Variants in CHSY1 observed in about 807,000 individuals in gnomAD.
CHSY1 encodes the protein chondroitin sulfate synthase 1.
CHSY1 carries 13 observed loss-of-function variants against 59.8 expected under a neutral mutation model. That is an observed-to-expected ratio of 0.22 (90% CI 0.14 to 0.35). The LOEUF (loss-of-function observed/expected upper bound fraction) is 0.35, where lower values mean the gene tolerates loss of function less well. Among genes scored for constraint, CHSY1 ranks in the 10% least tolerant of loss-of-function variants. CHSY1 has a pLI of 1.00. For missense variants in CHSY1, 947 were observed against 1,030.6 expected (o/e 0.92, Z 1.11); for synonymous variants, 459 against 401.2 (o/e 1.14, Z -1.72).
intron 2 of CHSY1, among the ~76,000 whole-genome samples, chr15:101,233,785 C>T (rs1157176805): frequency 6.6e-6 from 1 of 152,058 alleles, no homozygotes; most frequent in Non-Finnish European, 1.5e-5. Context: ...CCCTAAAGTT[C>T]AAACAACAAA....
chr15:101,178,405 C>A lies in CHSY1; in HGVS notation c.1392G>T (p.Thr464=). 1 of 1,612,642 alleles carries A rather than the reference C, an allele frequency of 6.2e-7. No individual in the cohort carries two copies. Among genetic ancestry groups the A allele is most frequent in the Non-Finnish European group, 8.5e-7 (1 of 1,178,690 alleles). Residue 464 remains threonine, a synonymous_variant, in exon 3 of 3, where the codon ACG becomes ACT. Transcript: ENST00000254190. ...LYKKHKGKKM[T]VPVRRHAYLQ... ...AATACGCGTGCCTCCTCACAGGGAC[C>A]GTCATTTTCTTCCCTTTGTGCTTTT...
Position 101,176,402 on chromosome 15 carries a change from T to C in CHSY1, c.*986A>G. On this transcript the variant is annotated 3_prime_UTR_variant, in exon 3 of 3. Coordinates refer to ENST00000254190, the MANE Select transcript of CHSY1 (RefSeq NM_014918.5). ...TATGTTTCAGTCTGTGTACATCAGA[T>C]TTATTGTAATAATTCATCTTTGTCA... is the stretch of plus-strand genomic sequence containing the variant. 2.5e-6 allele frequency: 1 copy of C among 398,600 alleles called. No individual in the cohort carries two copies. The highest frequency in any genetic ancestry group is 4.4e-6 in the Non-Finnish European group (1 of 226,054). 24.7% of individuals were successfully genotyped at this position (398,600 alleles called of 1,614,324 possible). A position where few individuals can be genotyped will look rare whatever the true frequency, so the allele number is the denominator to read the frequency against.
intron 2 of CHSY1, among the ~76,000 whole-genome samples, chr15:101,205,856 G>A (rs1248956141): frequency 6.6e-6 from 1 of 152,124 alleles, no homozygotes; most frequent in Admixed American, 6.5e-5. Context: ...GGGGGCTGAG[G>A]CAGGAGAATG....
intron 2 of CHSY1, among the ~76,000 whole-genome samples, chr15:101,204,243 G>A (rs1327416813): frequency 6.6e-6 from 1 of 152,054 alleles, no homozygotes; most frequent in Non-Finnish European, 1.5e-5. Context: ...AGACTAGCCT[G>A]GCCAATATGG....
intron 2 of CHSY1, chr15:101,189,426 A>G (rs929384746): frequency 3.0e-6 from 3 of 985,340 alleles, no homozygotes. Context: ...AAACAAACTT[A>G]CAGGGACAAG....
At chr15:101,246,518 T>C (rs947759173) in intron 1 of CHSY1, among the ~76,000 whole-genome samples, 3 of 152,138 alleles carry the variant, frequency 2.0e-5, no homozygotes, top group Non-Finnish European at 2.9e-5. Context: ...CCTCCAATAA[T>C]TTCAATGGGT....
At chr15:101,227,137 T>C (rs1395109677) in intron 2 of CHSY1, among the ~76,000 whole-genome samples, 2 of 152,224 alleles carry the variant, frequency 1.3e-5, no homozygotes, top group Non-Finnish European at 2.9e-5. Context: ...GGTGGCATTT[T>C]AATTTGCCCT....
intron 2 of CHSY1, among the ~76,000 whole-genome samples, chr15:101,207,301 C>T (rs1431646705): frequency 6.6e-6 from 1 of 152,306 alleles, no homozygotes; most frequent in South Asian, 2.1e-4. Context: ...GAGTTACGTC[C>T]ACATAACCCT....
intron 2 of CHSY1, among the ~76,000 whole-genome samples, chr15:101,229,294 C>A (rs2038870684): frequency 6.6e-6 from 1 of 152,050 alleles, no homozygotes; most frequent in African/African-American, 2.4e-5. Context: ...TTTAAATGAT[C>A]CAACTATATG....
intron 2 of CHSY1, among the ~76,000 whole-genome samples, chr15:101,204,641 C>G (rs769609424): frequency 7.2e-5 from 11 of 152,112 alleles, no homozygotes; most frequent in Non-Finnish European, 1.5e-4. Context: ...TGGTGGCTCA[C>G]ACCTGTAATC....
At chr15:101,207,003 C>T (rs988314412) in intron 2 of CHSY1, among the ~76,000 whole-genome samples, 2 of 152,210 alleles carry the variant, frequency 1.3e-5, no homozygotes, top group African/African-American at 4.8e-5. Flanking sequence ...CGCGTGTCAG[C>T]ACATTCCAAA....
Position 101,251,240 on chromosome 15 carries a change from G to A in CHSY1, c.217C>T (p.Pro73Ser), listed in dbSNP as rs764996609. The A allele has an allele frequency of 1.3e-6, 2 of 1,561,504 alleles. No individual in the cohort carries two copies. The highest frequency in any genetic ancestry group is 1.7e-6 in the Non-Finnish European group (2 of 1,158,838). The change falls in exon 1 of 3, where the codon CCC (proline) becomes TCC (serine). Residue 73 changes from proline (P) to serine (S), a missense_variant. Around this residue, in one of 4 missense-constraint regions of CHSY1, gnomAD observed 232 missense variants for 188.5 expected, o/e 1.23. Transcript: ENST00000254190. ...GDARGAQLWP[P>S]GSDPDGGPRD... ...GGGCCGCCATCTGGGTCCGAGCCGG[G>A]CGGCCAGAGCTGCGCCCCGCGCGCA...
At chr15:101,190,522 CAG>C (rs1383302035) in intron 2 of CHSY1, among the ~76,000 whole-genome samples, 3 of 152,178 alleles carry the variant, frequency 2.0e-5, no homozygotes, top group Admixed American at 1.3e-4. Context: ...CTAAAGAAAA[CAG>C]AGGAGAAAAT....
At chr15:101,247,508 G>A (rs940885150) in intron 1 of CHSY1, among the ~76,000 whole-genome samples, 4 of 152,166 alleles carry the variant, frequency 2.6e-5, no homozygotes, top group Non-Finnish European at 5.9e-5. Context: ...GTACTGCAGT[G>A]TCCCCCAGGA....
intron 1 of CHSY1, among the ~76,000 whole-genome samples, chr15:101,247,287 T>C (rs2039061491): frequency 6.6e-6 from 1 of 152,188 alleles, no homozygotes; most frequent in African/African-American, 2.4e-5. Context: ...TTGGCCCTCA[T>C]GCTCATCAAT....
chr15:101,251,013 G>T, intron 1 of CHSY1, 124 bp downstream of exon 1: 2 of 942,428 alleles, frequency 2.1e-6, no homozygotes, highest in South Asian at 2.9e-5. Flanking sequence ...GAGGCAACCC[G>T]ATCCCGCCGG....
At chr15:101,241,933 T>C (rs1056858799) in intron 1 of CHSY1, among the ~76,000 whole-genome samples, 1 of 152,248 alleles carries the variant, frequency 6.6e-6, no homozygotes, top group African/African-American at 2.4e-5. Context: ...AACCTTCACA[T>C]ACCCTCCTGT....
At chr15:101,208,626 T>C (rs1329975690) in intron 2 of CHSY1, among the ~76,000 whole-genome samples, 2 of 151,264 alleles carry the variant, frequency 1.3e-5, no homozygotes, top group African/African-American at 4.9e-5. Context: ...GGCATGAGAA[T>C]TGCTTGAACC....
intron 2 of CHSY1, among the ~76,000 whole-genome samples, chr15:101,231,344 G>A (rs1420883920): frequency 6.6e-6 from 1 of 152,206 alleles, no homozygotes; most frequent in Non-Finnish European, 1.5e-5. Flanking sequence ...TAAACGGGGA[G>A]AGAAGTAGAA....
Sources: gnomAD v4.1 joint callset for allele counts (sites outside exome capture counted in the v4.1 genomes callset) on GRCh38, gnomAD v4.1.1 for gene constraint, gnomAD v4.1.1 regional missense constraint, MANE v1.5 for transcripts, NCBI Gene and HGNC (gene_info 2026-07-23, HGNC 2026-07-21) for gene names.